DIP2A: variants seen among roughly 807,000 people sequenced by gnomAD.
The protein encoded by DIP2A is DIP2 acetate--CoA ligase A.
Under a neutral mutation model 177.4 loss-of-function variants are expected in DIP2A, and 85 were observed. The observed-to-expected ratio is 0.48, with a 90% confidence interval of 0.40 to 0.57. The LOEUF (loss-of-function observed/expected upper bound fraction) is 0.57. DIP2A is among the 20% of genes least tolerant of loss of function. The probability of loss-of-function intolerance (pLI) is 0.00; values close to 1 mark genes in which losing one functional copy is unlikely to be tolerated. For missense variants in DIP2A, 1,791 were observed against 2,100.2 expected, an observed-to-expected ratio of 0.85 and a Z score of 2.88; for synonymous variants, 886 against 881.8, an observed-to-expected ratio of 1.00 and a Z score of -0.08.
chr21:46,467,213 G>C (rs554449888), intron 1 of DIP2A, among the ~76,000 whole-genome samples: 1 of 150,404 alleles, frequency 6.6e-6, no homozygotes, highest in African/African-American at 2.5e-5. Context: ...GGAGAATGGC[G>C]TGAACCTGGG....
intron 8 of DIP2A, among the ~76,000 whole-genome samples, chr21:46,514,756 G>T (rs918481969): frequency 6.9e-6 from 1 of 144,952 alleles, no homozygotes; most frequent in African/African-American, 2.7e-5. Flanking sequence ...TGGTAATTAA[G>T]TATGATGTGT....
chr21:46,490,169 G>T (rs2056928207), intron 2 of DIP2A, among the ~76,000 whole-genome samples: 1 of 152,182 alleles, frequency 6.6e-6, no homozygotes, highest in South Asian at 2.1e-4. Flanking sequence ...TGGTGGTCTG[G>T]TGAGCTGTTT....
intron 5 of DIP2A, among the ~76,000 whole-genome samples, chr21:46,499,838 C>T (rs1003341281): frequency 2.6e-5 from 4 of 152,108 alleles, no homozygotes; most frequent in African/African-American, 9.7e-5. Flanking sequence ...AAAAGTCCAG[C>T]GATTGTAACT....
intron 8 of DIP2A, among the ~76,000 whole-genome samples, chr21:46,524,061 C>T (rs948432160): frequency 3.9e-5 from 6 of 152,208 alleles, no homozygotes; most frequent in Admixed American, 1.3e-4. Flanking sequence ...CCAGCTGTCC[C>T]GTCAGCTCTG....
chr21:46,550,866 C>T lies in DIP2A; in HGVS notation c.2839+122C>T, dbSNP rs920909091. On this transcript the variant is annotated intron_variant, in intron 23 of 37. Coordinates refer to ENST00000417564, the MANE Select transcript of DIP2A (RefSeq NM_015151.4). Reference sequence around the variant, plus strand: ...CTGCCCACGTCTTTGGGGCTGGGGTCAAGAGCCAGAGCGAGTGTGCACCCC... The same window carrying T: ...CTGCCCACGTCTTTGGGGCTGGGGTTAAGAGCCAGAGCGAGTGTGCACCCC... 6.7e-6 allele frequency: 7 copies of T among 1,046,466 alleles called. No individual in the cohort carries two copies. The African/African-American group carries it at 1.1e-4, about 16-fold the overall frequency. 64.8% of individuals were successfully genotyped at this position (1,046,466 alleles called of 1,614,324 possible). A position where few individuals can be genotyped will look rare whatever the true frequency, so the allele number is the denominator to read the frequency against.
intron 6 of DIP2A, among the ~76,000 whole-genome samples, chr21:46,507,150 T>C (rs1568996034): frequency 6.6e-6 from 1 of 152,180 alleles, no homozygotes; most frequent in Admixed American, 6.5e-5. Context: ...ATGAGGTTTA[T>C]CATTTGTATT....
At position 46,567,622 on chromosome 21, in the gene DIP2A, AGC is replaced by A; in HGVS notation, c.*3_*4del. The A allele has an allele frequency of 6.3e-7, 1 of 1,583,328 alleles. No homozygotes were observed. The highest frequency in any genetic ancestry group is 1.2e-5 in the South Asian group (1 of 85,904). The stretch of plus-strand genomic sequence containing the variant: ...CCATCTATGTCGCCTACAACATGTG[AGC>A]GCAGCACACCGGCCCAGGTGCCGGA... On this transcript the variant is annotated 3_prime_UTR_variant, in exon 38 of 38. Transcript: ENST00000417564.
rs540970795 is a variant in DIP2A at position 46,569,110 on chromosome 21, G to A, written c.*1488G>A. 2 of 152,272 alleles carry A rather than the reference G, an allele frequency of 1.3e-5. No homozygotes were observed. Among genetic ancestry groups the A allele is most frequent in the East Asian group, 1.9e-4 (1 of 5,182 alleles). The allele number at this position is 152,272 out of a possible 1,614,324, so 9.4% of individuals were successfully genotyped here. On this transcript the variant is annotated 3_prime_UTR_variant, in exon 38 of 38. Transcript: ENST00000417564. ...ATATAGCTAATGAAGAGTATGTTAC[G>A]AAATTGTTGGGTTTTTGGGGTATTG...
intron 37 of DIP2A, 92 bp downstream of exon 37, chr21:46,566,775 C>G: frequency 6.6e-7 from 1 of 1,526,630 alleles, no homozygotes; most frequent in Non-Finnish European, 8.9e-7. Flanking sequence ...AGAGCAAGGA[C>G]TGCTGGGCCC....
chr21:46,547,135 G>A, intron 21 of DIP2A, 93 bp downstream of exon 21: 2 of 1,518,178 alleles, frequency 1.3e-6, no homozygotes, highest in Non-Finnish European at 1.8e-6. Context: ...CAGCAAACTT[G>A]AATTCACAAA....
At chr21:46,469,698 A>T (rs1195703128) in intron 1 of DIP2A, among the ~76,000 whole-genome samples, 1 of 152,194 alleles carries the variant, frequency 6.6e-6, no homozygotes, top group Non-Finnish European at 1.5e-5. Flanking sequence ...AGGACTCCTC[A>T]TTGGCCTGGC....
chr21:46,514,309 G>A (rs1758075817), intron 8 of DIP2A, among the ~76,000 whole-genome samples: 1 of 151,856 alleles, frequency 6.6e-6, no homozygotes, highest in African/African-American at 2.4e-5. Flanking sequence ...GGTGGTGGGC[G>A]CCTGTAGTCC....
rs759639165 is a variant in DIP2A, at chr21:46,563,407, G to A, written c.4090-451G>A. Among the ~76,000 whole-genome samples, 3 of 152,240 alleles carry A rather than the reference G, an allele frequency of 2.0e-5. No individual in the cohort carries two copies. The highest frequency in any genetic ancestry group is 4.4e-5 in the Non-Finnish European group (3 of 68,036). The stretch of plus-strand genomic sequence containing the variant: ...CCTCTTGCCGTCCTGAATTGGCACA[G>A]AGCCAGTGCTCAGTGGTTGGACTGA... On this transcript the variant is annotated intron_variant, in intron 34 of 37. Transcript: ENST00000417564. This position sits in a 1 kb window ranked among gnomAD's most constrained non-coding sequence, Gnocchi z 4.3.
At chr21:46,493,529 A>C (rs1407130987) in intron 3 of DIP2A, among the ~76,000 whole-genome samples, 1 of 150,742 alleles carries the variant, frequency 6.6e-6, no homozygotes, top group African/African-American at 2.4e-5. Flanking sequence ...TTAAATGATA[A>C]TTTGGCTGGA....
chr21:46,549,922 T>C, intron 22 of DIP2A, 37 bp downstream of exon 22: 1 of 1,605,182 alleles, frequency 6.2e-7, no homozygotes, highest in Non-Finnish European at 8.5e-7. Flanking sequence ...TCGGTGAATC[T>C]CCCAAGCTGG....
At chr21:46,481,788 C>T (rs541636846) in intron 1 of DIP2A, among the ~76,000 whole-genome samples, 3 of 152,304 alleles carry the variant, frequency 2.0e-5, no homozygotes, top group East Asian at 3.9e-4. Flanking sequence ...CAGTGGCTCA[C>T]ACCTGTAATC....
Position 46,563,693 on chromosome 21 carries a change from C to T in DIP2A, c.4090-165C>T, listed in dbSNP as rs2060744458. On this transcript the variant is annotated intron_variant, in intron 34 of 37. Coordinates refer to ENST00000417564, the MANE Select transcript of DIP2A (RefSeq NM_015151.4). This position sits in a 1 kb window ranked among gnomAD's most constrained non-coding sequence, Gnocchi z 4.3. ...TTCTATTAACATCTCTTATTTCTTT[C>T]AAAATTCAAAGTCAAATTTGGAGCG... 2 of 1,301,648 alleles carry T rather than the reference C, an allele frequency of 1.5e-6. No individual in the cohort carries two copies. The highest frequency in any genetic ancestry group is 2.0e-6 in the Non-Finnish European group (2 of 984,802). 80.6% of individuals were successfully genotyped at this position (1,301,648 alleles called of 1,614,324 possible). A position where few individuals can be genotyped will look rare whatever the true frequency, so the allele number is the denominator to read the frequency against.
intron 1 of DIP2A, among the ~76,000 whole-genome samples, chr21:46,481,343 G>A (rs762842948): frequency 9.9e-5 from 15 of 152,098 alleles, no homozygotes; most frequent in Non-Finnish European, 1.5e-4. Flanking sequence ...GTATGGTTAC[G>A]TCACAGTCTC....
At chr21:46,467,140 C>CA (rs1277458242) in intron 1 of DIP2A, among the ~76,000 whole-genome samples, 1 of 151,458 alleles carries the variant, frequency 6.6e-6, no homozygotes, top group Non-Finnish European at 1.5e-5. Context: ...ACTAAAAATA[C>CA]AAAAAATCAG....
Sources: allele counts gnomAD v4.1 joint callset (sites outside exome capture counted in the v4.1 genomes callset), GRCh38; gene constraint gnomAD v4.1.1; non-coding constraint Gnocchi (gnomAD v3.1); transcripts MANE v1.5; gene names NCBI Gene and HGNC (gene_info 2026-07-23, HGNC 2026-07-21).